GRK3: variants seen among roughly 807,000 people sequenced by gnomAD.
GRK3 encodes the protein G protein-coupled receptor kinase 3, also known as adrenergic, beta, receptor kinase 2.
A neutral mutation model predicts 95.7 loss-of-function variants in GRK3; 54 were observed. The ratio of observed to expected loss-of-function variants is 0.56; its 90% CI spans 0.45 to 0.71. The LOEUF is 0.71. Among genes scored for constraint, GRK3 ranks in the 30% least tolerant of loss-of-function variants. The pLI is 0.00. For missense variants in GRK3, 649 were observed against 851.2 expected, an observed-to-expected ratio of 0.76 and a Z score of 2.96; for synonymous variants, 281 against 290.8, an observed-to-expected ratio of 0.97 and a Z score of 0.34.
At chr22:25,678,980 A>G (rs1443032053) in intron 9 of GRK3, 65 bp downstream of exon 9, 3 of 1,142,354 alleles carry the variant, frequency 2.6e-6, no homozygotes, top group Non-Finnish European at 3.8e-6. Flanking sequence ...AGGATGATTT[A>G]TTATTTTTCC....
intron 1 of GRK3, among the ~76,000 whole-genome samples, chr22:25,604,172 G>T (rs1232715537): frequency 2.6e-5 from 4 of 152,194 alleles, no homozygotes; most frequent in African/African-American, 9.7e-5. Context: ...GCGTGTTAAG[G>T]TTGGCCCTGT....
At chr22:25,688,080 C>A (rs1351972124) in intron 11 of GRK3, among the ~76,000 whole-genome samples, 2 of 151,784 alleles carry the variant, frequency 1.3e-5, no homozygotes, top group Non-Finnish European at 2.9e-5. Flanking sequence ...ACTAAAAATA[C>A]AAAAAATTAG....
rs1456391047 is a variant in GRK3 at position 25,685,315 on chromosome 22, A to G, written c.826+67A>G. ...GCCATGATGTTAAATCTTAGCATGC[A>G]TTAATCTAGGCAGACTGGCAATGTG... is the stretch of plus-strand genomic sequence containing the variant. On this transcript the variant is annotated intron_variant, in intron 10 of 20. Coordinates refer to ENST00000324198, the MANE Select transcript of GRK3 (RefSeq NM_005160.4). The G allele has an allele frequency of 4.0e-6, 5 of 1,239,136 alleles. No individual in the cohort carries two copies. In the East Asian group the frequency reaches 7.0e-5, roughly 17 times the overall value. The allele number at this position is 1,239,136 out of a possible 1,614,324, so 76.8% of individuals were successfully genotyped here.
intron 13 of GRK3, among the ~76,000 whole-genome samples, chr22:25,702,010 G>A (rs2085262778): frequency 1.3e-5 from 2 of 151,804 alleles, no homozygotes; most frequent in South Asian, 4.2e-4. Flanking sequence ...TGGAAATAAG[G>A]CAAAAAGAAT....
chr22:25,608,684 A>G (rs11913067), intron 2 of GRK3, among the ~76,000 whole-genome samples: 15,234 of 152,090 alleles, frequency 0.1, 2,410 homozygotes, highest in African/African-American at 0.34. Flanking sequence ...CACAAAGCAC[A>G]GAATTCCATC....
intron 18 of GRK3, among the ~76,000 whole-genome samples, chr22:25,716,641 T>C (rs2085387877): frequency 6.6e-6 from 1 of 151,238 alleles, no homozygotes; most frequent in African/African-American, 2.4e-5. Flanking sequence ...TATAATAAAG[T>C]TGGTCCTCCA....
chr22:25,717,741 A>T (rs1049073403), intron 18 of GRK3, among the ~76,000 whole-genome samples: 5 of 152,220 alleles, frequency 3.3e-5, no homozygotes, highest in Admixed American at 2.6e-4. Flanking sequence ...TATTTGAGGA[A>T]TAAACCTAAC....
At chr22:25,706,802 C>T (rs1056994225) in intron 15 of GRK3, among the ~76,000 whole-genome samples, 4 of 152,110 alleles carry the variant, frequency 2.6e-5, no homozygotes, top group Non-Finnish European at 5.9e-5. Context: ...GGATTACAGG[C>T]GTGAGCCACC....
Position 25,639,737 on chromosome 22 carries a change from T to C in GRK3, c.191-4855T>C, listed in dbSNP as rs1039831323. Among the ~76,000 whole-genome samples the C allele has an allele frequency of 5.3e-5, 8 of 152,290 alleles. 1 individual carries two copies. The South Asian group carries it at 1.7e-3, about 32-fold the overall frequency. On this transcript the variant is annotated intron_variant, in intron 2 of 20. Coordinates refer to ENST00000324198, the MANE Select transcript of GRK3 (RefSeq NM_005160.4). ...GAGTTATGATTGTAATTGCACTGAATCTACAAATTATTCTGGGAAGAATTA... is the reference window on the plus strand; with the variant it reads ...GAGTTATGATTGTAATTGCACTGAACCTACAAATTATTCTGGGAAGAATTA...
In GRK3 at chr22:25,725,906, G is replaced by A. The variant is rs564614175; in HGVS notation, c.*3456G>A. The A allele has an allele frequency of 1.4e-4, 36 of 254,414 alleles. No homozygotes were observed. In the East Asian group the frequency reaches 2.0e-3, roughly 14 times the overall value. 15.8% of individuals were successfully genotyped at this position (254,414 alleles called of 1,614,324 possible). A position where few individuals can be genotyped will look rare whatever the true frequency, so the allele number is the denominator to read the frequency against. Reference sequence around the variant, plus strand: ...AGAGCTTGCAGTGAGCCGAGATTGCGCCACTGCACTCCAGCCTGGGCGACA... The same window carrying A: ...AGAGCTTGCAGTGAGCCGAGATTGCACCACTGCACTCCAGCCTGGGCGACA... On this transcript the variant is annotated 3_prime_UTR_variant, in exon 21 of 21. Coordinates refer to ENST00000324198, the MANE Select transcript of GRK3 (RefSeq NM_005160.4).
chr22:25,640,167 C>T (rs567417647), intron 2 of GRK3, among the ~76,000 whole-genome samples: 1 of 152,234 alleles, frequency 6.6e-6, no homozygotes, highest in South Asian at 2.1e-4. Flanking sequence ...ATTGCATTGG[C>T]TAGGACCTCC....
chr22:25,627,725 T>G lies in GRK3; in HGVS notation c.191-16867T>G, dbSNP rs558194101. ...CCCACAGCCTAGTCAGGGAGACAAA[T>G]GAGGAACCAGCTGCTACTTATTGAA... On this transcript the variant is annotated intron_variant, in intron 2 of 20. Coordinates refer to ENST00000324198, the MANE Select transcript of GRK3 (RefSeq NM_005160.4). Among the ~76,000 whole-genome samples, 6 of 152,276 alleles carry G rather than the reference T, an allele frequency of 3.9e-5. 1 individual carries two copies. In the East Asian group the frequency reaches 1.2e-3, roughly 29 times the overall value.
intron 1 of GRK3, among the ~76,000 whole-genome samples, chr22:25,590,908 A>G (rs1453449072): frequency 1.3e-5 from 2 of 152,232 alleles, no homozygotes; most frequent in African/African-American, 4.8e-5. Context: ...GTTTATCTAC[A>G]TTGGCAAAAC....
At chr22:25,565,476 G>A (rs1931439088) in intron 1 of GRK3, among the ~76,000 whole-genome samples, 1 of 151,076 alleles carries the variant, frequency 6.6e-6, no homozygotes, top group Non-Finnish European at 1.5e-5. Flanking sequence ...GCCCTGTCCT[G>A]TCCTGCCCTG....
intron 1 of GRK3, among the ~76,000 whole-genome samples, chr22:25,572,783 G>A (rs141282385): frequency 6.6e-6 from 1 of 152,186 alleles, no homozygotes; most frequent in African/African-American, 2.4e-5. Context: ...CAAAAATCAT[G>A]ATCTGAAAGC....
At chr22:25,709,428 T>A (rs2085326759) in intron 15 of GRK3, among the ~76,000 whole-genome samples, 1 of 152,250 alleles carries the variant, frequency 6.6e-6, no homozygotes, top group South Asian at 2.1e-4. Flanking sequence ...ATACATTATA[T>A]TATTAGATCT....
At chr22:25,578,636 G>A (rs966514160) in intron 1 of GRK3, among the ~76,000 whole-genome samples, 7 of 152,152 alleles carry the variant, frequency 4.6e-5, no homozygotes, top group African/African-American at 1.7e-4. Context: ...TCAGAGCGAT[G>A]CAACATGAGA....
chr22:25,653,368 A>G (rs1399531854), intron 3 of GRK3, among the ~76,000 whole-genome samples: 2 of 152,256 alleles, frequency 1.3e-5, no homozygotes, highest in Non-Finnish European at 2.9e-5. Flanking sequence ...AAGCCGGCAT[A>G]ACTACACTAG....
intron 2 of GRK3, among the ~76,000 whole-genome samples, chr22:25,642,691 C>T (rs2084752053): frequency 6.6e-6 from 1 of 152,076 alleles, no homozygotes; most frequent in South Asian, 2.1e-4. Flanking sequence ...TTGTTTAGCT[C>T]CCACTTGTAA....
Sources: gnomAD v4.1 joint callset for allele counts (sites outside exome capture counted in the v4.1 genomes callset) on GRCh38, gnomAD v4.1.1 for gene constraint, MANE v1.5 for transcripts, NCBI Gene and HGNC (gene_info 2026-07-23, HGNC 2026-07-21) for gene names.